EVA1C: variants seen among roughly 807,000 people sequenced by gnomAD.
The protein encoded by EVA1C is eva-1 homolog C.
In EVA1C, 25 loss-of-function variants were observed where a neutral mutation model predicts 45.4. That is an observed-to-expected ratio of 0.55 (90% CI 0.40 to 0.77). The LOEUF is 0.77. Ranked by LOEUF, EVA1C falls within the 30% of genes least tolerant of loss-of-function variation. The pLI is 0.00. For synonymous variants in EVA1C, 190 were observed against 221.2 expected (o/e 0.86, Z 1.25); for missense variants, 479 against 554.8 (o/e 0.86, Z 1.37).
At chr21:32,447,914 A>G (rs2035423460) in intron 1 of EVA1C, among the ~76,000 whole-genome samples, 1 of 152,128 alleles carries the variant, frequency 6.6e-6, no homozygotes, top group Admixed American at 6.5e-5. Context: ...CATGTTAGTC[A>G]GGCTGGTTTT....
At chr21:32,442,199 G>C (rs1051841942) in intron 1 of EVA1C, among the ~76,000 whole-genome samples, 5 of 152,184 alleles carry the variant, frequency 3.3e-5, no homozygotes, top group East Asian at 1.9e-4. Context: ...TTCAGGACTA[G>C]GATCTGAGCT....
intron 1 of EVA1C, among the ~76,000 whole-genome samples, chr21:32,413,236 G>A (rs2033900879): frequency 6.6e-6 from 1 of 152,272 alleles, no homozygotes; most frequent in East Asian, 1.9e-4. Context: ...AATGTATTCA[G>A]AGTTTCTCGC....
intron 4 of EVA1C, among the ~76,000 whole-genome samples, chr21:32,477,412 A>G (rs1192023954): frequency 6.6e-6 from 1 of 152,210 alleles, no homozygotes; most frequent in Non-Finnish European, 1.5e-5. Context: ...GGCTTAAAAC[A>G]AAATGTTTAT....
chr21:32,502,870 T>C (rs2037603460), intron 6 of EVA1C, among the ~76,000 whole-genome samples: 1 of 152,070 alleles, frequency 6.6e-6, no homozygotes, highest in Admixed American at 6.5e-5. Context: ...GCTCAAGCGA[T>C]CCACCCACCT....
chr21:32,460,191 T>C (rs1328583820), intron 3 of EVA1C, among the ~76,000 whole-genome samples: 2 of 152,040 alleles, frequency 1.3e-5, no homozygotes, highest in Admixed American at 6.5e-5. Context: ...TCGTGGGTGG[T>C]GTCCACACCC....
intron 4 of EVA1C, among the ~76,000 whole-genome samples, chr21:32,492,104 G>A (rs1477785940): frequency 6.6e-6 from 1 of 152,176 alleles, no homozygotes; most frequent in African/African-American, 2.4e-5. Context: ...CCAGGCACAG[G>A]AATGAGCTTA....
rs1482711782 is a variant in EVA1C, at chr21:32,502,068, TTCTG to T, written c.859+577_859+580del. Reference sequence around the variant, plus strand: ...TCTTTCTTTCTTCTTTCTTTCTTTCTTCTGTCTTTCTTTCTCTCTTTCTTTCTTT... The same window carrying T: ...TCTTTCTTTCTTCTTTCTTTCTTTCTTCTTTCTTTCTCTCTTTCTTTCTTT... On this transcript the variant is annotated intron_variant, in intron 6 of 7. Transcript: ENST00000300255. Among the ~76,000 whole-genome samples, 3 of 148,134 alleles carry T rather than the reference TTCTG, an allele frequency of 2.0e-5. No homozygotes were observed. The East Asian group carries it at 6.0e-4, about 29-fold the overall frequency.
chr21:32,453,354 G>A lies in EVA1C; in HGVS notation c.203G>A (p.Cys68Tyr), dbSNP rs2035655367. The change falls in exon 2 of 8, where the codon TGT (cysteine) becomes TAT (tyrosine). Residue 68 changes from cysteine to tyrosine, a missense_variant. By Grantham distance (194) the Cys-to-Tyr change is radical. Around this residue, in one of 3 missense-constraint regions of EVA1C, gnomAD observed 33 missense variants for 64.9 expected, o/e 0.51. Transcript: ENST00000300255. ...KLLQNHTTYA[C>Y]DGDYLNLQCP... ...CTGCAAAACCACACCACCTATGCCT[G>A]TGATGGGGACTATTTGAATCTACAG... 6.2e-7 allele frequency: 1 copy of A among 1,609,802 alleles called. No homozygotes were observed. Among genetic ancestry groups the A allele is most frequent in the Non-Finnish European group, 8.5e-7 (1 of 1,178,034 alleles).
At position 32,495,174 on chromosome 21, in the gene EVA1C, A is replaced by C; in HGVS notation, c.778+4A>C. 6.2e-7 allele frequency: 1 copy of C among 1,613,872 alleles called. No homozygotes were observed. On this transcript the variant is annotated splice_donor_region_variant and intron_variant, in intron 5 of 7. Transcript: ENST00000300255. ...CTCACTGTGACCTACGCATGTGGTA[A>C]GAACACACCCCCGACCAGCTGCCTG...
At chr21:32,420,906 A>C (rs555711731) in intron 1 of EVA1C, among the ~76,000 whole-genome samples, 1 of 152,262 alleles carries the variant, frequency 6.6e-6, no homozygotes, top group East Asian at 1.9e-4. Flanking sequence ...AAAATAAATT[A>C]CATGCAGTTT....
intron 1 of EVA1C, chr21:32,433,170 A>G (rs2833824): frequency 0.14 from 21,217 of 151,660 alleles, 1,286 homozygotes; most frequent in East Asian, 0.23. Context: ...GATGCTTCCC[A>G]CTTCAAAGTG....
chr21:32,470,264 G>A (rs1002166203), intron 4 of EVA1C, among the ~76,000 whole-genome samples: 4 of 152,224 alleles, frequency 2.6e-5, no homozygotes, highest in African/African-American at 2.4e-5. Context: ...TGAGTCTCAA[G>A]AGAAAACAAA....
Position 32,504,856 on chromosome 21 carries a change from G to T in EVA1C, c.949+841G>T, listed in dbSNP as rs370600446. ...TGCTATTAATAAAGACATACCTGAG[G>T]CTGGGTAATTTATAAAGGAAAGAGG... is the stretch of plus-strand genomic sequence containing the variant. On this transcript the variant is annotated intron_variant, in intron 7 of 7. Coordinates refer to ENST00000300255, the MANE Select transcript of EVA1C (RefSeq NM_058187.5). Among the ~76,000 whole-genome samples, 20 of 152,008 alleles carry T rather than the reference G, an allele frequency of 1.3e-4. No homozygotes were observed. In the East Asian group the frequency reaches 1.5e-3, roughly 12 times the overall value.
intron 7 of EVA1C, among the ~76,000 whole-genome samples, chr21:32,511,153 C>T (rs1451490450): frequency 2.6e-5 from 4 of 152,120 alleles, no homozygotes; most frequent in East Asian, 3.9e-4. Context: ...CGGTGGCTCA[C>T]GCCTGTAATC....
chr21:32,499,763 A>G (rs2037468419), intron 5 of EVA1C, among the ~76,000 whole-genome samples: 2 of 152,238 alleles, frequency 1.3e-5, no homozygotes, highest in South Asian at 4.1e-4. Context: ...TTTATGCAGC[A>G]GGAATATTCG....
chr21:32,417,370 G>A (rs2034089441), intron 1 of EVA1C, among the ~76,000 whole-genome samples: 1 of 152,194 alleles, frequency 6.6e-6, no homozygotes, highest in African/African-American at 2.4e-5. Context: ...TCTCCCTGCT[G>A]TATCTTCACA....
intron 3 of EVA1C, among the ~76,000 whole-genome samples, chr21:32,459,364 A>G (rs2035912241): frequency 6.6e-6 from 1 of 152,218 alleles, no homozygotes; most frequent in African/African-American, 2.4e-5. Context: ...CTCCTGCCTC[A>G]GTCAACAGAC....
chr21:32,437,197 T>C (rs949527976), intron 1 of EVA1C, among the ~76,000 whole-genome samples: 5 of 149,432 alleles, frequency 3.3e-5, no homozygotes, highest in African/African-American at 1.2e-4. Flanking sequence ...GATTCAAACA[T>C]AAAATGAGGA....
chr21:32,415,628 T>C (rs978420412), intron 1 of EVA1C, among the ~76,000 whole-genome samples: 2 of 152,062 alleles, frequency 1.3e-5, no homozygotes, highest in African/African-American at 2.4e-5. Flanking sequence ...TCACTCTTAA[T>C]AAGCCAGAGG....
Sources: gnomAD v4.1 joint callset for allele counts (sites outside exome capture counted in the v4.1 genomes callset) on GRCh38, gnomAD v4.1.1 for gene constraint, gnomAD v4.1.1 regional missense constraint, MANE v1.5 for transcripts, NCBI Gene and HGNC (gene_info 2026-07-23, HGNC 2026-07-21) for gene names.